Variants in GRM1 observed in about 807,000 individuals in gnomAD.
The protein encoded by GRM1 is glutamate metabotropic receptor 1, also known as metabotropic glutamate receptor 1.
GRM1 carries 33 observed loss-of-function variants against 90.9 expected under a neutral mutation model. That is an observed-to-expected ratio of 0.36 (90% CI 0.28 to 0.49). The LOEUF is 0.49. GRM1 is among the 20% of genes least tolerant of loss of function. GRM1 has a pLI of 0.99. For synonymous variants in GRM1, 700 were observed against 613.2 expected (o/e 1.14, Z -2.09); for missense variants, 1,190 against 1,534.3 (o/e 0.78, Z 3.75).
chr6:146,375,628 C>T (rs1164805204), intron 5 of GRM1, among the ~76,000 whole-genome samples: 1 of 151,870 alleles, frequency 6.6e-6, no homozygotes, highest in Non-Finnish European at 1.5e-5. Context: ...GTTGAATTGA[C>T]CCTTTTATCA....
rs1271829940 is a variant in GRM1, at chr6:146,291,930, G to C, written c.951-12681G>C. Among the ~76,000 whole-genome samples, 3 of 151,950 alleles carry C rather than the reference G, an allele frequency of 2.0e-5. 1 individual carries two copies. The highest frequency in any genetic ancestry group is 1.3e-4 in the Admixed American group (2 of 15,252). On this transcript the variant is annotated intron_variant, in intron 2 of 7. Transcript: ENST00000282753. Reference sequence around the variant, plus strand: ...CTTCAAAACTTACTACAAAGCCATAGTAATCAAAACAATGTGGTACCAGCA... The same window carrying C: ...CTTCAAAACTTACTACAAAGCCATACTAATCAAAACAATGTGGTACCAGCA...
chr6:146,161,475 G>A (rs1443411612), intron 2 of GRM1, among the ~76,000 whole-genome samples: 1 of 152,042 alleles, frequency 6.6e-6, no homozygotes, highest in Non-Finnish European at 1.5e-5. Context: ...TCTGAGAGTC[G>A]CACATGTGTT....
intron 2 of GRM1, among the ~76,000 whole-genome samples, chr6:146,290,341 T>C (rs1485938468): frequency 2.6e-5 from 4 of 152,188 alleles, no homozygotes; most frequent in Non-Finnish European, 5.9e-5. Context: ...TCAGAATTTC[T>C]TAACAACGTA....
chr6:146,374,293 A>G (rs534039268), intron 5 of GRM1, among the ~76,000 whole-genome samples: 2 of 152,256 alleles, frequency 1.3e-5, no homozygotes, highest in East Asian at 1.9e-4. Flanking sequence ...GGATTTTTGC[A>G]TCAATATTCA....
chr6:146,213,518 T>G (rs557093269), intron 2 of GRM1, among the ~76,000 whole-genome samples: 7 of 152,190 alleles, frequency 4.6e-5, no homozygotes, highest in Non-Finnish European at 1.0e-4. Flanking sequence ...TTACACATTA[T>G]TGTACATATA....
chr6:146,422,390 G>A (rs1254812532), intron 7 of GRM1, among the ~76,000 whole-genome samples: 1 of 152,184 alleles, frequency 6.6e-6, no homozygotes, highest in African/African-American at 2.4e-5. Flanking sequence ...TATGAAATAA[G>A]TCTAAGCTAA....
intron 1 of GRM1, among the ~76,000 whole-genome samples, chr6:146,146,103 CTTTTTTTTTTTTTTTTTTTT>C (rs35329703): frequency 5.0e-5 from 1 of 19,986 alleles, no homozygotes; most frequent in East Asian, 2.0e-3. Context: ...ACCATTGTAT[CTTTTTTTTTTTTTTTTTTTT>C]TTTTTTTTTT....
At position 146,215,378 on chromosome 6, in the gene GRM1, T is replaced by C. The variant is rs372588603; in HGVS notation, c.950+55781T>C. Among the ~76,000 whole-genome samples, 61 of 152,280 alleles carry C rather than the reference T, an allele frequency of 4.0e-4. 1 individual carries two copies. Among genetic ancestry groups the C allele is most frequent in the African/African-American group, 1.4e-3 (58 of 41,560 alleles). ...GTCTTTTCTCTCTGGCCTTTGTCTC[T>C]TTTTTCTCAACCACTCTCTGTTTTC... On this transcript the variant is annotated intron_variant, in intron 2 of 7. Transcript: ENST00000282753.
At chr6:146,207,991 C>G (rs1367227184) in intron 2 of GRM1, among the ~76,000 whole-genome samples, 2 of 152,094 alleles carry the variant, frequency 1.3e-5, no homozygotes. Flanking sequence ...TCCCCTCTTG[C>G]AAAAGACCTC....
At chr6:146,280,626 T>C (rs556474337) in intron 2 of GRM1, among the ~76,000 whole-genome samples, 53 of 152,240 alleles carry the variant, frequency 3.5e-4, no homozygotes, top group African/African-American at 1.2e-3. Context: ...CGTTTACATT[T>C]AGTTTGTTTG....
intron 1 of GRM1, among the ~76,000 whole-genome samples, chr6:146,117,596 A>AT (rs1775803261): frequency 1.3e-5 from 2 of 150,104 alleles, no homozygotes; most frequent in South Asian, 4.2e-4. Context: ...TTTTTTGTTT[A>AT]TTTTTACTTA....
chr6:146,370,758 G>C (rs1414490404), intron 5 of GRM1, among the ~76,000 whole-genome samples: 1 of 151,696 alleles, frequency 6.6e-6, no homozygotes, highest in Admixed American at 6.6e-5. Context: ...TAACTTGACT[G>C]AGGCTTGTGC....
chr6:146,189,500 G>A (rs1209095200), intron 2 of GRM1, among the ~76,000 whole-genome samples: 2 of 152,116 alleles, frequency 1.3e-5, no homozygotes, highest in African/African-American at 2.4e-5. Context: ...CTTTCTATAA[G>A]CATTCTGGTC....
chr6:146,072,901 G>T (rs1365332998), intron 1 of GRM1, among the ~76,000 whole-genome samples: 2 of 152,046 alleles, frequency 1.3e-5, no homozygotes, highest in Non-Finnish European at 2.9e-5. Context: ...AGATTAATAA[G>T]AAATGGGACT....
At chr6:146,068,251 C>G (rs1230051091) in intron 1 of GRM1, among the ~76,000 whole-genome samples, 1 of 152,012 alleles carries the variant, frequency 6.6e-6, no homozygotes, top group African/African-American at 2.4e-5. Context: ...GTAGCTGGGA[C>G]TACAGGCGCC....
chr6:146,108,236 C>T (rs1241645890), intron 1 of GRM1, among the ~76,000 whole-genome samples: 1 of 152,142 alleles, frequency 6.6e-6, no homozygotes, highest in Non-Finnish European at 1.5e-5. Context: ...TTATCTTCTA[C>T]CAGCATGATC....
At chr6:146,276,971 G>A (rs1304066390) in intron 2 of GRM1, among the ~76,000 whole-genome samples, 6 of 152,112 alleles carry the variant, frequency 3.9e-5, no homozygotes, top group Non-Finnish European at 8.8e-5. Context: ...AGTTGGGCAT[G>A]TTGGGGCAAA....
intron 2 of GRM1, among the ~76,000 whole-genome samples, chr6:146,183,690 C>T (rs1302386324): frequency 2.0e-5 from 3 of 152,056 alleles, no homozygotes; most frequent in Admixed American, 6.6e-5. Flanking sequence ...AGTAACTGTG[C>T]GATTCTCCTC....
At chr6:146,286,170 C>T (rs879304793) in intron 2 of GRM1, among the ~76,000 whole-genome samples, 1 of 152,068 alleles carries the variant, frequency 6.6e-6, no homozygotes, top group Admixed American at 6.6e-5. Context: ...ACTTTAAACA[C>T]TAAAAATTTA....
Sources: gnomAD v4.1 joint callset for allele counts (sites outside exome capture counted in the v4.1 genomes callset) on GRCh38, gnomAD v4.1.1 for gene constraint, MANE v1.5 for transcripts, NCBI Gene and HGNC (gene_info 2026-07-23, HGNC 2026-07-21) for gene names.